DHX36: variants seen among roughly 807,000 people sequenced by gnomAD.
DHX36 encodes DEAH-box helicase 36.
DHX36 carries 50 observed loss-of-function variants against 139.0 expected under a neutral mutation model. The observed-to-expected ratio is 0.36, with a 90% CI of 0.29 to 0.46. DHX36 has a LOEUF of 0.46. Ranked by LOEUF, DHX36 falls within the 20% of genes least tolerant of loss-of-function variation. DHX36 has a pLI of 1.00. For missense variants in DHX36, 1,024 were observed against 1,211.3 expected (o/e 0.85, Z 2.29); for synonymous variants, 425 against 401.9 (o/e 1.06, Z -0.69).
rs1384191970 is a variant in DHX36, at chr3:154,292,459, C to A, written c.1814+92G>T. ...GCTCAAAATAATAAGAAAGGTAACT[C>A]TTTTAATAAATATCTTTAAATGCCA... is the stretch of plus-strand genomic sequence containing the variant. On this transcript the variant is annotated intron_variant, in intron 15 of 24. Transcript: ENST00000496811. 2.6e-6 allele frequency: 4 copies of A among 1,521,548 alleles called. No homozygotes were observed. In the African/African-American group the frequency reaches 4.2e-5, roughly 16 times the overall value. The allele number at this position is 1,521,548 out of a possible 1,614,324, so 94.3% of individuals were successfully genotyped here.
chr3:154,311,625 A>G lies in DHX36; in HGVS notation c.642+11T>C, dbSNP rs1712766414. 6.3e-7 allele frequency: 1 copy of G among 1,593,752 alleles called. No homozygotes were observed. Among genetic ancestry groups the G allele is most frequent in the Non-Finnish European group, 8.5e-7 (1 of 1,174,294 alleles). On this transcript the variant is annotated intron_variant, in intron 4 of 24. Transcript: ENST00000496811. ...GCAAATCAAATTAAATAGTGGAAAA[A>G]AGCACTTTACCTTTTGCATTCCATA...
intron 23 of DHX36, 64 bp downstream of exon 23, chr3:154,277,532 TAC>T: frequency 6.8e-7 from 1 of 1,477,480 alleles, no homozygotes; most frequent in Non-Finnish European, 9.1e-7. Context: ...TTGTTAAAAC[TAC>T]ACAATCATAA....
intron 5 of DHX36, among the ~76,000 whole-genome samples, chr3:154,309,106 T>C (rs915233116): frequency 2.6e-5 from 4 of 152,082 alleles, no homozygotes; most frequent in African/African-American, 9.7e-5. Flanking sequence ...GAGGATCACT[T>C]GAACCCTAGA....
chr3:154,323,201 G>A (rs1284282276), intron 1 of DHX36, among the ~76,000 whole-genome samples: 1 of 152,108 alleles, frequency 6.6e-6, no homozygotes, highest in African/African-American at 2.4e-5. Context: ...CGGAGGTGGT[G>A]GCGGACGCCT....
intron 5 of DHX36, among the ~76,000 whole-genome samples, chr3:154,308,249 G>T (rs1430638562): frequency 2.0e-5 from 3 of 152,110 alleles, no homozygotes; most frequent in Admixed American, 2.0e-4. Flanking sequence ...GAAGTCTACT[G>T]CTCTTTCTTT....
Position 154,286,184 on chromosome 3 carries a change from A to AAC in DHX36, c.2032-1198_2032-1197insGT, listed in dbSNP as rs1424834212. The stretch of plus-strand genomic sequence containing the variant: ...CACACACCAAAAAAAAAAAAAAAAA[A>AAC]AAAAAAAACACCAACAAACACTTTA... On this transcript the variant is annotated intron_variant, in intron 17 of 24. Coordinates refer to ENST00000496811, the MANE Select transcript of DHX36 (RefSeq NM_020865.3). Among the ~76,000 whole-genome samples the AAC allele has an allele frequency of 9.9e-4, 148 of 149,724 alleles. 3 individuals are homozygous for AAC. The highest frequency in any genetic ancestry group is 6.8e-3 in the Middle Eastern group (2 of 292).
At position 154,316,116 on chromosome 3, in the gene DHX36, CTG is replaced by C; in HGVS notation, c.289_290del (p.Gln97ValfsTer10). On this transcript the variant is annotated frameshift_variant, in exon 2 of 25. Coordinates refer to ENST00000496811, the MANE Select transcript of DHX36 (RefSeq NM_020865.3). LOFTEE classifies it high-confidence loss of function. Reference protein sequence around the residue: ...MDERREEQIVQLLNSVQAKND... With the variant: ...MDERREEQIVXLLNSVQAKND... ...TCTTCGCTTGAACAGAATTCAGTAA[CTG>C]TACAATTTGTTCTTCTCGTCGTTCA... 1 of 1,613,340 alleles carries C rather than the reference CTG, an allele frequency of 6.2e-7. No homozygotes were observed. Among genetic ancestry groups the C allele is most frequent in the Non-Finnish European group, 8.5e-7 (1 of 1,179,566 alleles).
intron 9 of DHX36, among the ~76,000 whole-genome samples, chr3:154,301,929 C>T (rs887283882): frequency 6.6e-6 from 1 of 151,868 alleles, no homozygotes; most frequent in Non-Finnish European, 1.5e-5. Flanking sequence ...GCATGGACTC[C>T]CAAGTCAGAA....
At chr3:154,314,958 A>T in intron 3 of DHX36, 88 bp downstream of exon 3, 1 of 859,556 alleles carries the variant, frequency 1.2e-6, no homozygotes, top group Admixed American at 2.7e-5. Flanking sequence ...TCACTGATCT[A>T]TGCCATGCAG....
At chr3:154,301,840 T>G (rs1246337244) in intron 9 of DHX36, among the ~76,000 whole-genome samples, 1 of 151,886 alleles carries the variant, frequency 6.6e-6, no homozygotes, top group Non-Finnish European at 1.5e-5. Context: ...AAGACAAAAA[T>G]GAACCCACAC....
rs771987313 is a variant in DHX36, at chr3:154,276,201, C to T, written c.2997G>A (p.Pro999=). 13 of 1,612,338 alleles carry T rather than the reference C, an allele frequency of 8.1e-6. No individual in the cohort carries two copies. The highest frequency in any genetic ancestry group is 4.5e-5 in the East Asian group (2 of 44,718). ...TGTAATATCCATCCTGGAATCGTGG[C>T]GGAAAGTTCCTGGGAGTTGCCTTTT... ...TQEKATPRNF[P]PRFQDGYYS Residue 999 remains proline, a synonymous_variant, in exon 25 of 25, where the codon CCG becomes CCA. Coordinates refer to ENST00000496811, the MANE Select transcript of DHX36 (RefSeq NM_020865.3).
At chr3:154,285,996 A>G (rs1222476966) in intron 17 of DHX36, among the ~76,000 whole-genome samples, 12 of 151,924 alleles carry the variant, frequency 7.9e-5, no homozygotes, top group Admixed American at 7.9e-4. Context: ...GTTTACTCTA[A>G]AAAGAAAAAT....
At chr3:154,321,049 T>C (rs1278967950) in intron 1 of DHX36, among the ~76,000 whole-genome samples, 16 of 152,180 alleles carry the variant, frequency 1.1e-4, no homozygotes, top group Admixed American at 9.8e-4. Context: ...GAAATTATAT[T>C]AAAGGATCAT....
At position 154,300,920 on chromosome 3, in the gene DHX36, C is replaced by T. The variant is rs187047263; in HGVS notation, c.1358+67G>A. On this transcript the variant is annotated intron_variant, in intron 10 of 24. Transcript: ENST00000496811. Reference sequence around the variant, plus strand: ...AAGTACGTACAGATTCAAGAAGATGCCCCCAGCCTCTGGCTTTTTGTTTTA... The same window carrying T: ...AAGTACGTACAGATTCAAGAAGATGTCCCCAGCCTCTGGCTTTTTGTTTTA... 5.2e-4 allele frequency: 821 copies of T among 1,582,030 alleles called. 8 individuals are homozygous for T. The highest frequency in any genetic ancestry group is 1.8e-5 in the Non-Finnish European group (21 of 1,162,958).
At chr3:154,305,272 T>C (rs1712455159) in intron 6 of DHX36, 104 bp from the exon 7 acceptor site, 1 of 1,008,894 alleles carries the variant, frequency 9.9e-7, no homozygotes, top group Non-Finnish European at 1.4e-6. Flanking sequence ...TCAGTTTTAA[T>C]GAAAATCTTC....
chr3:154,319,506 G>A (rs145093534), intron 1 of DHX36, among the ~76,000 whole-genome samples: 112 of 152,240 alleles, frequency 7.4e-4, no homozygotes, highest in Non-Finnish European at 1.3e-3. Context: ...GCCTGTATCA[G>A]AATTTATCCT....
chr3:154,288,797 T>A, intron 17 of DHX36, 69 bp downstream of exon 17: 1 of 886,682 alleles, frequency 1.1e-6, no homozygotes. Context: ...AGAGTAAACA[T>A]TATAATTAAC....
intron 3 of DHX36, chr3:154,314,753 C>G (rs1159266630): frequency 4.0e-6 from 1 of 247,020 alleles, no homozygotes; most frequent in African/African-American, 2.2e-5. Flanking sequence ...TGGCACCTCA[C>G]TAAACTGGCC....
At chr3:154,287,393 GC>G (rs1187942452) in intron 17 of DHX36, among the ~76,000 whole-genome samples, 1 of 152,178 alleles carries the variant, frequency 6.6e-6, no homozygotes, top group African/African-American at 2.4e-5. Context: ...GGTGGCTCAT[GC>G]CTATGATCCC....
Sources: allele counts gnomAD v4.1 joint callset (sites outside exome capture counted in the v4.1 genomes callset), GRCh38; gene constraint gnomAD v4.1.1; transcripts MANE v1.5; gene names NCBI Gene and HGNC (gene_info 2026-07-23, HGNC 2026-07-21).